Variants in ENOX1 observed in about 807,000 individuals in gnomAD.
ENOX1 encodes the protein ecto-NOX disulfide-thiol exchanger 1, also known as candidate growth-related and time keeping constitutive hydroquinone (NADH) oxidase.
ENOX1 carries 42 observed loss-of-function variants against 82.5 expected under a neutral mutation model. The ratio of observed to expected loss-of-function variants is 0.51; its 90% CI spans 0.40 to 0.66. The LOEUF (loss-of-function observed/expected upper bound fraction) is 0.66, where lower values mean the gene tolerates loss of function less well. Ranked by LOEUF, ENOX1 falls within the 30% of genes least tolerant of loss-of-function variation. The pLI, the probability that ENOX1 is intolerant of heterozygous loss-of-function variation, is 0.00. For synonymous variants in ENOX1, 271 were observed against 282.2 expected, an observed-to-expected ratio of 0.96 and a Z score of 0.40; for missense variants, 608 against 811.6, an observed-to-expected ratio of 0.75 and a Z score of 3.05.
At chr13:43,248,189 C>G (rs940778757) in intron 14 of ENOX1, among the ~76,000 whole-genome samples, 1 of 151,452 alleles carries the variant, frequency 6.6e-6, no homozygotes, top group African/African-American at 2.4e-5. Context: ...CCGGCCGCAA[C>G]TTATATTTTT....
At chr13:43,706,671 T>C (rs1248221471) in intron 1 of ENOX1, among the ~76,000 whole-genome samples, 2 of 148,330 alleles carry the variant, frequency 1.3e-5, no homozygotes, top group Non-Finnish European at 3.0e-5. Flanking sequence ...GTAAGAGATA[T>C]AGAAAGGACA....
At chr13:43,571,773 A>G (rs890622134) in intron 2 of ENOX1, among the ~76,000 whole-genome samples, 1 of 151,944 alleles carries the variant, frequency 6.6e-6, no homozygotes, top group African/African-American at 2.4e-5. Context: ...GAAATATAAG[A>G]CCTCCAATTC....
At position 43,771,179 on chromosome 13, in the gene ENOX1, C is replaced by T. The variant is rs1206449403; in HGVS notation, c.-285+15473G>A. On this transcript the variant is annotated intron_variant, in intron 1 of 16. Transcript: ENST00000690772. ...ACTTCTTATCCCAAAAAGAGAGAAT[C>T]CAAGGCGGGAGGGCAGAGGCATAGA... Among the ~76,000 whole-genome samples, 3 of 152,104 alleles carry T rather than the reference C, an allele frequency of 2.0e-5. No individual in the cohort carries two copies. In the South Asian group the frequency reaches 6.2e-4, roughly 32 times the overall value.
At chr13:43,379,120 G>A (rs2051849620) in intron 5 of ENOX1, among the ~76,000 whole-genome samples, 1 of 152,154 alleles carries the variant, frequency 6.6e-6, no homozygotes, top group Admixed American at 6.5e-5. Context: ...GGAGCCTCCA[G>A]AAAGAAATGC....
At chr13:43,532,156 A>G (rs111498300) in intron 2 of ENOX1, among the ~76,000 whole-genome samples, 1,598 of 152,252 alleles carry the variant, frequency 0.01, 30 homozygotes, top group African/African-American at 0.036. Flanking sequence ...CTGTTAAAAT[A>G]AAGAAAAAGA....
At chr13:43,248,181 G>A (rs1329403479) in intron 14 of ENOX1, among the ~76,000 whole-genome samples, 8 of 151,462 alleles carry the variant, frequency 5.3e-5, no homozygotes, top group African/African-American at 1.2e-4. Flanking sequence ...CACCGCGCCC[G>A]GCCGCAACTT....
At chr13:43,417,630 A>G (rs968314386) in intron 3 of ENOX1, among the ~76,000 whole-genome samples, 1 of 152,176 alleles carries the variant, frequency 6.6e-6, no homozygotes, top group Non-Finnish European at 1.5e-5. Context: ...GAAAAGATTA[A>G]TCTTCTTAGC....
rs558170151 is a variant in ENOX1 at position 43,572,852 on chromosome 13, T to C, written c.-218-88700A>G. On this transcript the variant is annotated intron_variant, in intron 2 of 16. Coordinates refer to ENST00000690772, the MANE Select transcript of ENOX1 (RefSeq NM_001347969.2). ...GCTGTTAGAGGGATAATTATCTGGT[T>C]ATCCCTGAGGCCAGTTCTTGCCATT... 2.0e-5 allele frequency among the ~76,000 whole-genome samples: 3 copies of C among 152,356 alleles called. No individual in the cohort carries two copies. The East Asian group carries it at 5.8e-4, about 29-fold the overall frequency.
At chr13:43,241,142 T>C (rs1485409631) in intron 14 of ENOX1, among the ~76,000 whole-genome samples, 1 of 152,212 alleles carries the variant, frequency 6.6e-6, no homozygotes, top group African/African-American at 2.4e-5. Context: ...AAATTACACA[T>C]GGTTTTGCTC....
chr13:43,528,711 T>C (rs1940352156), intron 2 of ENOX1, among the ~76,000 whole-genome samples: 1 of 152,124 alleles, frequency 6.6e-6, no homozygotes, highest in Non-Finnish European at 1.5e-5. Flanking sequence ...TTGAGAATCC[T>C]AGGTTCAAAA....
chr13:43,784,371 A>C (rs1952449057), intron 1 of ENOX1, among the ~76,000 whole-genome samples: 5 of 152,350 alleles, frequency 3.3e-5, no homozygotes, highest in African/African-American at 1.2e-4. Context: ...CAATAGCAAT[A>C]ATTTCCAATT....
intron 5 of ENOX1, among the ~76,000 whole-genome samples, chr13:43,389,332 G>A (rs1298508519): frequency 6.6e-6 from 1 of 152,200 alleles, no homozygotes; most frequent in Non-Finnish European, 1.5e-5. Context: ...AGTAGTCAAA[G>A]TAATGGAAGC....
intron 1 of ENOX1, among the ~76,000 whole-genome samples, chr13:43,696,638 A>T (rs879713383): frequency 3.3e-5 from 5 of 152,152 alleles, no homozygotes; most frequent in African/African-American, 1.2e-4. Context: ...AGTTCAGAGA[A>T]CAATTTAGGA....
chr13:43,763,657 A>G (rs962436619), intron 1 of ENOX1, among the ~76,000 whole-genome samples: 3 of 152,194 alleles, frequency 2.0e-5, no homozygotes, highest in Non-Finnish European at 4.4e-5. Flanking sequence ...AGAAATGAAT[A>G]CCTCTGAGAA....
intron 2 of ENOX1, among the ~76,000 whole-genome samples, chr13:43,502,787 C>T (rs907256800): frequency 2.0e-5 from 3 of 151,336 alleles, no homozygotes; most frequent in Non-Finnish European, 4.4e-5. Flanking sequence ...TTATTGAATC[C>T]AGAACAAGTA....
At chr13:43,567,691 G>A (rs1035593621) in intron 2 of ENOX1, among the ~76,000 whole-genome samples, 6 of 152,080 alleles carry the variant, frequency 3.9e-5, no homozygotes, top group Non-Finnish European at 8.8e-5. Context: ...AGGGATCAGT[G>A]CTTAATCTAC....
At chr13:43,522,658 C>T (rs942298556) in intron 2 of ENOX1, among the ~76,000 whole-genome samples, 14 of 152,140 alleles carry the variant, frequency 9.2e-5, no homozygotes, top group Non-Finnish European at 1.3e-4. Flanking sequence ...CTGGCAGGCA[C>T]AGTTCCCCTC....
intron 2 of ENOX1, among the ~76,000 whole-genome samples, chr13:43,636,137 G>A (rs1295900043): frequency 6.6e-6 from 1 of 152,132 alleles, no homozygotes; most frequent in African/African-American, 2.4e-5. Context: ...AAGTTTTGCT[G>A]TAACTAAGAG....
At chr13:43,298,214 G>T in intron 12 of ENOX1, 132 bp downstream of exon 12, 1 of 931,718 alleles carries the variant, frequency 1.1e-6, no homozygotes, top group Non-Finnish European at 1.5e-6. Flanking sequence ...GCACTTTTCT[G>T]TCCTAGTAAC....
Sources: allele counts gnomAD v4.1 joint callset (sites outside exome capture counted in the v4.1 genomes callset), GRCh38; gene constraint gnomAD v4.1.1; transcripts MANE v1.5; gene names NCBI Gene and HGNC (gene_info 2026-07-23, HGNC 2026-07-21).